The following SERPINB10 variants were observed in gnomAD, a reference collection of about 807,000 sequenced individuals.
SERPINB10 encodes the protein serpin family B member 10.
A neutral mutation model predicts 39.1 loss-of-function variants in SERPINB10; 35 were observed. That is an observed-to-expected ratio of 0.90 (90% CI 0.68 to 1.19). SERPINB10 has a LOEUF of 1.19. Ranked by LOEUF, SERPINB10 falls within the 50% of genes most tolerant of loss-of-function variation. SERPINB10 has a pLI of 0.00. For synonymous variants in SERPINB10, 190 were observed against 158.1 expected, an observed-to-expected ratio of 1.20 and a Z score of -1.52; for missense variants, 546 against 460.5, an observed-to-expected ratio of 1.19 and a Z score of -1.70.
At position 63,917,945 on chromosome 18, in the gene SERPINB10, T is replaced by C; in HGVS notation, c.235-20T>C. On this transcript the variant is annotated intron_variant, in intron 3 of 7. Transcript: ENST00000238508. ...ACTCTTGTTCAACATTTTATTTGACTAGTTCCTTCTCTTTTAAAGGAATTC... is the reference window on the plus strand; with the variant it reads ...ACTCTTGTTCAACATTTTATTTGACCAGTTCCTTCTCTTTTAAAGGAATTC... 6.2e-7 allele frequency: 1 copy of C among 1,605,320 alleles called. No individual in the cohort carries two copies. The highest frequency in any genetic ancestry group is 8.5e-7 in the Non-Finnish European group (1 of 1,173,484).
chr18:63,917,575 C>A, intron 3 of SERPINB10, 54 bp downstream of exon 3: 2 of 1,050,930 alleles, frequency 1.9e-6, no homozygotes, highest in Non-Finnish European at 2.7e-6. Flanking sequence ...GTACTTTTAG[C>A]ACATGTATTT....
chr18:63,933,088 A>G lies in SERPINB10; in HGVS notation c.674A>G (p.Lys225Arg). ...GTGCAAATGATGTTTATGAAGAAAA[A>G]GCTTCACATTTTTCACATAGAAAAG... ...KPVQMMFMKK[K>R]LHIFHIEKPK... Residue 225 changes from lysine (K) to arginine (R), a missense_variant, in exon 7 of 8, where the codon AAG becomes AGG. Coordinates refer to ENST00000238508, the MANE Select transcript of SERPINB10 (RefSeq NM_005024.3). The G allele has an allele frequency of 6.2e-7, 1 of 1,614,004 alleles. No individual in the cohort carries two copies. The highest frequency in any genetic ancestry group is 8.5e-7 in the Non-Finnish European group (1 of 1,179,936).
intron 7 of SERPINB10, among the ~76,000 whole-genome samples, chr18:63,934,124 AAACTTCCGTCTAGAAG>A (rs1285924408): frequency 6.6e-6 from 1 of 152,202 alleles, no homozygotes; most frequent in African/African-American, 2.4e-5. Context: ...TTGACAGCCA[AAACTTCCGTCTAGAAG>A]ATGCATGTGC....
At chr18:63,919,267 T>A (rs2050128744) in intron 4 of SERPINB10, among the ~76,000 whole-genome samples, 1 of 147,242 alleles carries the variant, frequency 6.8e-6, no homozygotes, top group East Asian at 2.0e-4. Context: ...GAATGCCTAA[T>A]ATAACATTCA....
intron 1 of SERPINB10, among the ~76,000 whole-genome samples, chr18:63,909,940 T>C (rs1044029683): frequency 1.3e-5 from 2 of 152,022 alleles, no homozygotes; most frequent in Non-Finnish European, 2.9e-5. Context: ...GTCTTTTTTG[T>C]TTTCTATTTA....
At chr18:63,916,364 A>G (rs72941736) in intron 2 of SERPINB10, among the ~76,000 whole-genome samples, 10 of 148,288 alleles carry the variant, frequency 6.7e-5, no homozygotes, top group Non-Finnish European at 1.2e-4. Flanking sequence ...AAAAAAAAAC[A>G]GAAGGAGTAA....
In SERPINB10 at chr18:63,915,593, T is replaced by C. The variant is rs1321323876; in HGVS notation, c.83T>C (p.Ile28Thr). 1 of 1,612,792 alleles carries C rather than the reference T, an allele frequency of 6.2e-7. No individual in the cohort carries two copies. Among genetic ancestry groups the C allele is most frequent in the African/African-American group, 1.3e-5 (1 of 74,830 alleles). ...GCTGAATCTGCTCAGGGTAAAAATA[T>C]CTTCTTTTCTTCCTGGAGCATCTCA... The part of the protein sequence containing the change: ...KLAESAQGKN[I>T]FFSSWSISTS... The change falls in exon 2 of 8, where the codon ATC becomes ACC. Residue 28 changes from isoleucine (I) to threonine (T), a missense_variant. By Grantham distance (89) the Ile-to-Thr change is moderately conservative (BLOSUM62 -1). Transcript: ENST00000238508.
intron 5 of SERPINB10, among the ~76,000 whole-genome samples, chr18:63,929,693 A>T (rs2050205547): frequency 6.7e-6 from 1 of 149,652 alleles, no homozygotes; most frequent in African/African-American, 2.5e-5. Context: ...CTGGAAATAA[A>T]AAATCTTTAG....
Position 63,907,996 on chromosome 18 carries a change from C to A in SERPINB10, c.-54C>A. 2.9e-6 allele frequency: 1 copy of A among 344,230 alleles called. No individual in the cohort carries two copies. The highest frequency in any genetic ancestry group is 2.3e-5 in the South Asian group (1 of 42,664). The allele number at this position is 344,230 out of a possible 1,614,324, so 21.3% of individuals were successfully genotyped here. On this transcript the variant is annotated 5_prime_UTR_variant, in exon 1 of 8. Coordinates refer to ENST00000238508, the MANE Select transcript of SERPINB10 (RefSeq NM_005024.3). Reference sequence around the variant, plus strand: ...TCAACTCTTCAGCCACAATCTCTTACTACAGGAGCAAATTGCCAATTCTGC... The same window carrying A: ...TCAACTCTTCAGCCACAATCTCTTAATACAGGAGCAAATTGCCAATTCTGC...
intron 5 of SERPINB10, among the ~76,000 whole-genome samples, chr18:63,928,009 G>A (rs544370346): frequency 1.3e-5 from 2 of 151,970 alleles, no homozygotes; most frequent in African/African-American, 4.8e-5. Flanking sequence ...ACATGTCTGG[G>A]GTTGATGCTG....
chr18:63,919,767 A>AT, intron 4 of SERPINB10, 21 bp from the exon 5 acceptor site: 2 of 1,493,218 alleles, frequency 1.3e-6, no homozygotes, highest in Non-Finnish European at 1.8e-6. Flanking sequence ...ACAAAAGGGG[A>AT]TTTTTATCTA....
intron 2 of SERPINB10, among the ~76,000 whole-genome samples, chr18:63,916,800 C>G (rs1201577120): frequency 6.6e-6 from 1 of 151,958 alleles, no homozygotes; most frequent in Non-Finnish European, 1.5e-5. Flanking sequence ...TGGCAGGTGG[C>G]CCTTGTTCTG....
chr18:63,914,124 T>G (rs1380778472), intron 1 of SERPINB10, among the ~76,000 whole-genome samples: 1 of 152,128 alleles, frequency 6.6e-6, no homozygotes, highest in Non-Finnish European at 1.5e-5. Context: ...TGATAGCCCT[T>G]CCTCCAACCA....
rs1289800869 is a variant in SERPINB10, at chr18:63,917,521, G to A, written c.234G>A (p.Met78Ile). 6.5e-7 allele frequency: 1 copy of A among 1,530,216 alleles called. No homozygotes were observed. Among genetic ancestry groups the A allele is most frequent in the South Asian group, 1.2e-5 (1 of 84,038 alleles). The allele number at this position is 1,530,216 out of a possible 1,614,324, so 94.8% of individuals were successfully genotyped here. A position where few individuals can be genotyped will look rare whatever the true frequency, so the allele number is the denominator to read the frequency against. The change falls in exon 3 of 8, where the codon ATG becomes ATA. Residue 78 changes from methionine to isoleucine, a missense_variant and splice_region_variant. Physicochemically the swap from Met to Ile is conservative, Grantham distance 10. Coordinates refer to ENST00000238508, the MANE Select transcript of SERPINB10 (RefSeq NM_005024.3). Reference sequence around the variant, plus strand: ...CTGAAAGTGAAAAAAAAAGGAAAATGGTATATCTTATCCTTTAATATATAT... The same window carrying A: ...CTGAAAGTGAAAAAAAAAGGAAAATAGTATATCTTATCCTTTAATATATAT... ...CDPESEKKRK[M>I]EFNLSNSEEI...
chr18:63,928,389 A>G (rs993995276), intron 5 of SERPINB10, among the ~76,000 whole-genome samples: 2 of 152,112 alleles, frequency 1.3e-5, no homozygotes, highest in African/African-American at 4.8e-5. Flanking sequence ...AAGGTGCTTT[A>G]TTAGAGAGTT....
chr18:63,925,533 CT>C (rs1415302328), intron 5 of SERPINB10, among the ~76,000 whole-genome samples: 2 of 152,066 alleles, frequency 1.3e-5, no homozygotes, highest in Non-Finnish European at 2.9e-5. Flanking sequence ...ACAGGGGAGG[CT>C]TCCAATGGCA....
At chr18:63,916,882 C>T (rs934038101) in intron 2 of SERPINB10, among the ~76,000 whole-genome samples, 4 of 151,942 alleles carry the variant, frequency 2.6e-5, no homozygotes, top group African/African-American at 9.7e-5. Flanking sequence ...CAGGACTTGG[C>T]AGATAAAAGT....
Position 63,933,089 on chromosome 18 carries a change from G to T in SERPINB10, c.675G>T (p.Lys225Asn). ...TGCAAATGATGTTTATGAAGAAAAAGCTTCACATTTTTCACATAGAAAAGC... is the reference window on the plus strand; with the variant it reads ...TGCAAATGATGTTTATGAAGAAAAATCTTCACATTTTTCACATAGAAAAGC... ...KPVQMMFMKKKLHIFHIEKPK... is the reference protein window; with the variant it reads ...KPVQMMFMKKNLHIFHIEKPK... Residue 225 changes from lysine (K) to asparagine (N), a missense_variant, in exon 7 of 8, where the codon AAG (lysine) becomes AAT (asparagine). Transcript: ENST00000238508. 3.1e-6 allele frequency: 5 copies of T among 1,613,834 alleles called. No individual in the cohort carries two copies. Among genetic ancestry groups the T allele is most frequent in the Non-Finnish European group, 4.2e-6 (5 of 1,179,892 alleles).
intron 5 of SERPINB10, among the ~76,000 whole-genome samples, chr18:63,928,888 T>C (rs2050199275): frequency 6.6e-6 from 1 of 151,432 alleles, no homozygotes; most frequent in African/African-American, 2.4e-5. Context: ...TGTACATTGA[T>C]TTTGTATCCT....
Sources: allele counts gnomAD v4.1 joint callset (sites outside exome capture counted in the v4.1 genomes callset), GRCh38; gene constraint gnomAD v4.1.1; transcripts MANE v1.5; gene names NCBI Gene and HGNC (gene_info 2026-07-23, HGNC 2026-07-21).